The following RGL1 variants were observed in gnomAD, a reference collection of about 807,000 sequenced individuals.
RGL1 encodes ral guanine nucleotide dissociation stimulator like 1.
RGL1 carries 24 observed loss-of-function variants against 95.2 expected under a neutral mutation model. That is an observed-to-expected ratio of 0.25 (90% CI 0.18 to 0.35). The LOEUF (loss-of-function observed/expected upper bound fraction) is 0.35, where lower values mean the gene tolerates loss of function less well. Among genes scored for constraint, RGL1 ranks in the 10% least tolerant of loss-of-function variants. RGL1 has a pLI of 1.00. For missense variants in RGL1, 715 were observed against 936.3 expected (o/e 0.76, Z 3.08); for synonymous variants, 329 against 344.9 (o/e 0.95, Z 0.51).
chr1:183,650,140 C>A (rs1650612952), intron 1 of RGL1, among the ~76,000 whole-genome samples: 2 of 152,146 alleles, frequency 1.3e-5, no homozygotes, highest in Admixed American at 6.5e-5. Flanking sequence ...TGTCTATTCC[C>A]TCCAGTCTTT....
chr1:183,860,407 T>A (rs1665441371), intron 3 of RGL1, among the ~76,000 whole-genome samples: 1 of 152,198 alleles, frequency 6.6e-6, no homozygotes, highest in Admixed American at 6.5e-5. Flanking sequence ...ACAGCCTACC[T>A]ACCAGGCCCT....
intron 2 of RGL1, among the ~76,000 whole-genome samples, chr1:183,755,883 CTT>C (rs533584889): frequency 6.1e-4 from 83 of 136,264 alleles, no homozygotes; most frequent in Admixed American, 5.9e-4. Context: ...TGAGTTCATT[CTT>C]TTTTTTTTTT....
At chr1:183,871,026 C>T (rs972507129) in intron 4 of RGL1, among the ~76,000 whole-genome samples, 1 of 152,176 alleles carries the variant, frequency 6.6e-6, no homozygotes, top group Non-Finnish European at 1.5e-5. Context: ...AAAATGAGTG[C>T]TTGGAGTAAA....
chr1:183,688,038 T>G (rs1653719975), intron 1 of RGL1, among the ~76,000 whole-genome samples: 2 of 152,204 alleles, frequency 1.3e-5, no homozygotes, highest in South Asian at 4.1e-4. Flanking sequence ...GATGTCTTGC[T>G]TCTGAAATCT....
intron 16 of RGL1, 32 bp from the exon 17 acceptor site, chr1:183,922,190 G>GT (rs768522700): frequency 6.4e-7 from 1 of 1,572,768 alleles, no homozygotes; most frequent in Admixed American, 1.7e-5. Context: ...GTGAAGCTAA[G>GT]TACTTTACAA....
intron 2 of RGL1, among the ~76,000 whole-genome samples, chr1:183,818,762 C>G (rs919518403): frequency 6.6e-6 from 1 of 152,090 alleles, no homozygotes; most frequent in Non-Finnish European, 1.5e-5. Flanking sequence ...GAACGTGTAT[C>G]TTTAGTGACT....
chr1:183,895,146 C>G (rs1049679245), intron 9 of RGL1, among the ~76,000 whole-genome samples: 1 of 152,154 alleles, frequency 6.6e-6, no homozygotes, highest in African/African-American at 2.4e-5. Flanking sequence ...ACATGCTAAA[C>G]TCAAAGTTAG....
intron 1 of RGL1, among the ~76,000 whole-genome samples, chr1:183,684,740 G>C (rs1039313503): frequency 6.6e-6 from 1 of 152,190 alleles, no homozygotes; most frequent in African/African-American, 2.4e-5. Flanking sequence ...GGAATCTCCT[G>C]GTCTGTGGGT....
Position 183,855,994 on chromosome 1 carries a change from C to A in RGL1, c.347+8220C>A, listed in dbSNP as rs570487724. Among the ~76,000 whole-genome samples the A allele has an allele frequency of 8.5e-5, 13 of 152,228 alleles. No homozygotes were observed. The South Asian group carries it at 2.7e-3, about 32-fold the overall frequency. ...TTAAGTCTTTTGTGCCTCCCCCAAC[C>A]CACCCATGCATGAAACAGTTGAGAT... On this transcript the variant is annotated intron_variant, in intron 3 of 17. Transcript: ENST00000360851.
At chr1:183,885,890 G>C (rs1218308400) in intron 7 of RGL1, among the ~76,000 whole-genome samples, 2 of 151,990 alleles carry the variant, frequency 1.3e-5, no homozygotes, top group Non-Finnish European at 2.9e-5. Context: ...TGGATGAATT[G>C]ACATTTGAAA....
At chr1:183,711,356 T>C (rs1655253482) in intron 1 of RGL1, among the ~76,000 whole-genome samples, 1 of 152,180 alleles carries the variant, frequency 6.6e-6, no homozygotes, top group Non-Finnish European at 1.5e-5. Flanking sequence ...TGTAGTTCAA[T>C]GACATTCAGC....
intron 1 of RGL1, among the ~76,000 whole-genome samples, chr1:183,740,236 T>C (rs2102252400): frequency 6.6e-6 from 1 of 152,352 alleles, no homozygotes; most frequent in Middle Eastern, 3.4e-3. Flanking sequence ...GCATCATTTA[T>C]TAGTGTGTCC....
intron 2 of RGL1, among the ~76,000 whole-genome samples, chr1:183,779,891 T>C (rs1659808900): frequency 6.6e-6 from 1 of 152,116 alleles, no homozygotes; most frequent in Admixed American, 6.5e-5. Context: ...GGGTGAAGAA[T>C]GTATTTGTGA....
intron 1 of RGL1, among the ~76,000 whole-genome samples, chr1:183,649,125 G>T (rs1650534855): frequency 1.3e-5 from 2 of 152,192 alleles, no homozygotes; most frequent in Admixed American, 1.3e-4. Flanking sequence ...TTATCAGCTT[G>T]GTGGCCTTTG....
intron 2 of RGL1, among the ~76,000 whole-genome samples, chr1:183,841,217 A>G (rs1433789958): frequency 2.0e-5 from 3 of 152,354 alleles, no homozygotes; most frequent in African/African-American, 4.8e-5. Context: ...TGTATGTGCT[A>G]GTAGCATAAA....
chr1:183,805,116 C>T (rs924718655), upstream of RGL1: 3 of 687,942 alleles, frequency 4.4e-6, no homozygotes, highest in Non-Finnish European at 4.2e-6. Context: ...GCCGCGCTCC[C>T]TTTGTGGCCC....
intron 1 of RGL1, among the ~76,000 whole-genome samples, chr1:183,691,144 G>T (rs974324793): frequency 1.2e-4 from 19 of 152,134 alleles, no homozygotes; most frequent in Non-Finnish European, 2.1e-4. Flanking sequence ...TGAATGTAGG[G>T]ATTTGCCTCA....
intron 2 of RGL1, among the ~76,000 whole-genome samples, chr1:183,799,246 CT>C (rs1660861421): frequency 6.6e-6 from 1 of 152,146 alleles, no homozygotes; most frequent in Non-Finnish European, 1.5e-5. Flanking sequence ...AATATTTTGA[CT>C]ATTGTGAATA....
At chr1:183,876,831 T>A (rs1400114282) in intron 4 of RGL1, among the ~76,000 whole-genome samples, 1 of 152,190 alleles carries the variant, frequency 6.6e-6, no homozygotes, top group Non-Finnish European at 1.5e-5. Flanking sequence ...CTGTGAGAGG[T>A]GGCAGATTCT....
Sources: gnomAD v4.1 joint callset for allele counts (sites outside exome capture counted in the v4.1 genomes callset) on GRCh38, gnomAD v4.1.1 for gene constraint, MANE v1.5 for transcripts, NCBI Gene and HGNC (gene_info 2026-07-23, HGNC 2026-07-21) for gene names.